CEP192: variants seen among roughly 807,000 people sequenced by gnomAD.
The protein encoded by CEP192 is centrosomal protein of 192 kDa.
A neutral mutation model predicts 271.8 loss-of-function variants in CEP192; 151 were observed. That is an observed-to-expected ratio of 0.56 (90% CI 0.49 to 0.64). The LOEUF is 0.64. CEP192 is among the 30% of genes least tolerant of loss of function. The pLI is 0.00. For synonymous variants in CEP192, 995 were observed against 1,076.5 expected, an observed-to-expected ratio of 0.92 and a Z score of 1.48; for missense variants, 2,910 against 3,020.5, an observed-to-expected ratio of 0.96 and a Z score of 0.86.
At position 13,064,439 on chromosome 18, in the gene CEP192, C is replaced by T. The variant is rs376587904; in HGVS notation, c.4489-3392C>T. Among the ~76,000 whole-genome samples, 69 of 151,838 alleles carry T rather than the reference C, an allele frequency of 4.5e-4. 2 individuals carry two copies. The highest frequency in any genetic ancestry group is 1.5e-3 in the African/African-American group (64 of 41,412). On this transcript the variant is annotated intron_variant, in intron 21 of 44. Coordinates refer to ENST00000506447, the MANE Select transcript of CEP192 (RefSeq NM_032142.4). The stretch of plus-strand genomic sequence containing the variant: ...CATCCTGGCTAACACAGTTGAACCC[C>T]GTCTCTACTAAAAATACAAAAAATT...
intron 21 of CEP192, among the ~76,000 whole-genome samples, chr18:13,059,794 C>G (rs1425625086): frequency 3.3e-5 from 5 of 152,130 alleles, no homozygotes; most frequent in African/African-American, 4.8e-5. Flanking sequence ...TGGAATAACA[C>G]TGGGGGCTTC....
intron 30 of CEP192, among the ~76,000 whole-genome samples, chr18:13,080,102 T>C (rs974005340): frequency 1.3e-5 from 2 of 152,208 alleles, no homozygotes; most frequent in African/African-American, 4.8e-5. Context: ...TGGCTTAGGA[T>C]TGTCTTGGCA....
chr18:13,117,280 A>G (rs1307157813), intron 43 of CEP192, among the ~76,000 whole-genome samples: 1 of 152,234 alleles, frequency 6.6e-6, no homozygotes, highest in East Asian at 1.9e-4. Flanking sequence ...CTGGAAGTTT[A>G]TAACCCTTTA....
At chr18:13,017,831 A>AT (rs1568285908) in intron 7 of CEP192, among the ~76,000 whole-genome samples, 1 of 152,026 alleles carries the variant, frequency 6.6e-6, no homozygotes, top group African/African-American at 2.4e-5. Context: ...TATTCTTACT[A>AT]TTTTTTATCT....
At chr18:13,046,219 C>T (rs2036471370) in intron 15 of CEP192, among the ~76,000 whole-genome samples, 1 of 152,138 alleles carries the variant, frequency 6.6e-6, no homozygotes, top group Non-Finnish European at 1.5e-5. Flanking sequence ...AGGTGCCACA[C>T]ACTTCAAACA....
chr18:13,117,587 G>A lies in CEP192; in HGVS notation c.7419G>A (p.Leu2473=), dbSNP rs756585127. ...LRNNSFITHS[L]KFLSPREPFY... ...AAGTGTCTTCTATTAAATTCCAGCT[G>A]AAGTTTTTGAGTCCCAGAGAGCCAT... The change falls in exon 44 of 45, where the codon CTG becomes CTA. Residue 2473 remains leucine (L), a splice_region_variant and synonymous_variant. Coordinates refer to ENST00000506447, the MANE Select transcript of CEP192 (RefSeq NM_032142.4). The A allele has an allele frequency of 2.5e-6, 4 of 1,608,002 alleles. No individual in the cohort carries two copies. The highest frequency in any genetic ancestry group is 3.3e-5 in the Admixed American group (2 of 59,906).
chr18:13,040,066 T>G (rs1420637171), intron 13 of CEP192, among the ~76,000 whole-genome samples: 1 of 152,194 alleles, frequency 6.6e-6, no homozygotes, highest in African/African-American at 2.4e-5. Context: ...AAGTCACAGC[T>G]GATTCATAGA....
Position 13,053,074 on chromosome 18 carries a change from C to A in CEP192, c.3173C>A (p.Ala1058Asp). 1 of 1,605,918 alleles carries A rather than the reference C, an allele frequency of 6.2e-7. No individual in the cohort carries two copies. Among genetic ancestry groups the A allele is most frequent in the Non-Finnish European group, 8.5e-7 (1 of 1,176,382 alleles). The change falls in exon 18 of 45, where the codon GCC (alanine) becomes GAC (aspartate). Residue 1058 changes from alanine (A) to aspartate (D), a missense_variant. By Grantham distance (126) the Ala-to-Asp change is moderately radical (BLOSUM62 -2). Transcript: ENST00000506447. ...TATCCTACCACAGCCACAGATGATG[C>A]CCTGGAGGACCGCAAGGTGGGCAGC... ...SSYPTTATDDALEDRKSDITS... is the reference protein window; with the variant it reads ...SSYPTTATDDDLEDRKSDITS...
At chr18:13,092,268 C>T (rs555768513) in intron 33 of CEP192, 109 bp from the exon 34 acceptor site, 49 of 746,156 alleles carry the variant, frequency 6.6e-5, no homozygotes, top group Non-Finnish European at 9.0e-5. Context: ...TCACCTCCCC[C>T]AACCCAGGAA....
At chr18:13,021,504 A>G (rs2034993115) in intron 9 of CEP192, among the ~76,000 whole-genome samples, 2 of 152,208 alleles carry the variant, frequency 1.3e-5, no homozygotes, top group Admixed American at 6.5e-5. Flanking sequence ...CACTGCTTTA[A>G]TCACTATATC....
At chr18:13,119,448 A>T (rs1026997472) in intron 44 of CEP192, among the ~76,000 whole-genome samples, 1 of 152,226 alleles carries the variant, frequency 6.6e-6, no homozygotes, top group African/African-American at 2.4e-5. Flanking sequence ...TACCTTAAAA[A>T]ATATATTTTT....
chr18:13,085,554 C>T (rs2038859786), intron 30 of CEP192, among the ~76,000 whole-genome samples: 2 of 152,180 alleles, frequency 1.3e-5, no homozygotes, highest in African/African-American at 4.8e-5. Flanking sequence ...TTTAATCCAT[C>T]TTGAGTTAAT....
At chr18:13,031,256 T>TC (rs2035609033) in intron 11 of CEP192, among the ~76,000 whole-genome samples, 1 of 146,094 alleles carries the variant, frequency 6.8e-6, no homozygotes. Context: ...TTTTTTTTTT[T>TC]TTTTTTTTTG....
At chr18:13,061,052 G>A (rs948641575) in intron 21 of CEP192, among the ~76,000 whole-genome samples, 1 of 152,158 alleles carries the variant, frequency 6.6e-6, no homozygotes, top group Non-Finnish European at 1.5e-5. Flanking sequence ...GCCAGATGTG[G>A]TGTCTCATGC....
At chr18:13,095,021 C>T (rs61050749) in intron 34 of CEP192, among the ~76,000 whole-genome samples, 33 of 152,340 alleles carry the variant, frequency 2.2e-4, no homozygotes, top group African/African-American at 7.9e-4. Context: ...CCACCCACCC[C>T]TGTCACCCCT....
At chr18:13,087,428 T>C in intron 31 of CEP192, 103 bp from the exon 32 acceptor site, 1 of 914,962 alleles carries the variant, frequency 1.1e-6, no homozygotes. Context: ...GCGTATGCAC[T>C]TGTGTCTGTG....
chr18:13,049,984 A>G (rs2036690702), intron 17 of CEP192, 93 bp downstream of exon 17: 3 of 1,058,020 alleles, frequency 2.8e-6, no homozygotes, highest in Non-Finnish European at 4.1e-6. Flanking sequence ...TTATCTGTGC[A>G]TTCGTCTCTC....
At chr18:13,012,483 C>T (rs11664469) in intron 4 of CEP192, among the ~76,000 whole-genome samples, 38,858 of 152,056 alleles carry the variant, frequency 0.26, 5,978 homozygotes, top group Admixed American at 0.36. Context: ...GTGCTATTAA[C>T]ACAGCTAACG....
chr18:13,056,383 T>C lies in CEP192; in HGVS notation c.3793T>C (p.Tyr1265His), dbSNP rs780519697. 6 of 1,614,078 alleles carry C rather than the reference T, an allele frequency of 3.7e-6. No individual in the cohort carries two copies. In the African/African-American group the frequency reaches 8.0e-5, roughly 22 times the overall value. The change falls in exon 19 of 45, where the codon TAT becomes CAT. Residue 1265 changes from tyrosine to histidine, a missense_variant. Coordinates refer to ENST00000506447, the MANE Select transcript of CEP192 (RefSeq NM_032142.4). ...SLSAAPFAQR[Y>H]LGTLPSTGST... Reference sequence around the variant, plus strand: ...CAGCGCTGCTCCTTTTGCTCAGCGGTATTTGGGAACACTCCCTTCAACTGG... The same window carrying C: ...CAGCGCTGCTCCTTTTGCTCAGCGGCATTTGGGAACACTCCCTTCAACTGG...
Sources: gnomAD v4.1 joint callset for allele counts (sites outside exome capture counted in the v4.1 genomes callset) on GRCh38, gnomAD v4.1.1 for gene constraint, MANE v1.5 for transcripts, NCBI Gene and HGNC (gene_info 2026-07-23, HGNC 2026-07-21) for gene names.